The following FGF12 variants were observed in gnomAD, a reference collection of about 807,000 sequenced individuals.
FGF12 encodes the protein fibroblast growth factor 12, also known as fibroblast growth factor 12B.
In FGF12, 14 loss-of-function variants were observed where a neutral mutation model predicts 23.6. That is an observed-to-expected ratio of 0.59 (90% CI 0.39 to 0.93). The LOEUF (loss-of-function observed/expected upper bound fraction) is 0.93, where lower values mean the gene tolerates loss of function less well. Among genes scored for constraint, FGF12 ranks in the 40% least tolerant of loss-of-function variants. FGF12 has a pLI of 0.00. For missense variants in FGF12, 175 were observed against 217.8 expected (o/e 0.80, Z 1.24); for synonymous variants, 62 against 77.3 (o/e 0.80, Z 1.04).
chr3:192,698,550 A>G (rs1187085369), intron 2 of FGF12, among the ~76,000 whole-genome samples: 1 of 151,970 alleles, frequency 6.6e-6, no homozygotes, highest in Non-Finnish European at 1.5e-5. Context: ...TGCGTCAGAC[A>G]TTATCCTGAG....
At chr3:192,232,489 T>C (rs1272583315) in intron 4 of FGF12, among the ~76,000 whole-genome samples, 1 of 151,030 alleles carries the variant, frequency 6.6e-6, no homozygotes, top group African/African-American at 2.4e-5. Flanking sequence ...TGAAGATTAA[T>C]CAATGGTGGG....
intron 5 of FGF12, among the ~76,000 whole-genome samples, chr3:192,147,048 G>GC (rs1210776181): frequency 1.3e-5 from 2 of 152,082 alleles, no homozygotes; most frequent in African/African-American, 4.8e-5. Flanking sequence ...GATGAAAACT[G>GC]CCCCCCTCCT....
At chr3:192,537,316 C>T (rs1725247413) in intron 2 of FGF12, among the ~76,000 whole-genome samples, 1 of 151,798 alleles carries the variant, frequency 6.6e-6, no homozygotes, top group African/African-American at 2.4e-5. Flanking sequence ...GGGTATATAC[C>T]TAGTAATGGG....
At chr3:192,375,267 G>T (rs1049926208) in intron 2 of FGF12, among the ~76,000 whole-genome samples, 39 of 151,724 alleles carry the variant, frequency 2.6e-4, no homozygotes, top group African/African-American at 9.4e-4. Flanking sequence ...TATCATCTTC[G>T]TTTGTGGTTT....
chr3:192,706,669 G>A (rs1718482533), intron 2 of FGF12, among the ~76,000 whole-genome samples: 1 of 152,112 alleles, frequency 6.6e-6, no homozygotes, highest in Non-Finnish European at 1.5e-5. Flanking sequence ...AACCCCAGAT[G>A]CAAGATATTT....
intron 4 of FGF12, among the ~76,000 whole-genome samples, chr3:192,258,844 T>C (rs77127521): frequency 0.026 from 3,895 of 152,282 alleles, 122 homozygotes; most frequent in African/African-American, 0.078. Flanking sequence ...TCTTTGAATA[T>C]GATATGCTGT....
rs977607500 is a variant in FGF12 at position 192,155,502 on chromosome 3, C to T, written c.428-11375G>A. Among the ~76,000 whole-genome samples, 5 of 152,122 alleles carry T rather than the reference C, an allele frequency of 3.3e-5. No individual in the cohort carries two copies. The East Asian group carries it at 5.8e-4, about 18-fold the overall frequency. ...AATTGAAAGGTGAGGTTCATTTGGGCGATCTAAAACATGTTCTTTTGTTTT... is the reference window on the plus strand; with the variant it reads ...AATTGAAAGGTGAGGTTCATTTGGGTGATCTAAAACATGTTCTTTTGTTTT... On this transcript the variant is annotated intron_variant, in intron 5 of 5. Transcript: ENST00000445105.
intron 2 of FGF12, among the ~76,000 whole-genome samples, chr3:192,536,475 C>T (rs1302372476): frequency 1.3e-5 from 2 of 152,030 alleles, no homozygotes; most frequent in South Asian, 4.2e-4. Context: ...ACAAATAACA[C>T]CAGAAAGCCT....
intron 4 of FGF12, among the ~76,000 whole-genome samples, chr3:192,322,493 A>G (rs911731554): frequency 1.5e-5 from 2 of 134,658 alleles, no homozygotes; most frequent in African/African-American, 7.1e-5. Context: ...TTTATATTAA[A>G]CCACACGCAG....
intron 4 of FGF12, among the ~76,000 whole-genome samples, chr3:192,183,536 C>A (rs922616147): frequency 6.6e-6 from 1 of 152,146 alleles, no homozygotes; most frequent in African/African-American, 2.4e-5. Context: ...GACAGAGAGG[C>A]CTGGTTCACT....
rs1717384589 is a variant in FGF12, at chr3:192,201,860, A to C, written c.229-31204T>G. ...GCTAATAACAGCCCCGTGTTTGTGCACATTGATTTTCAGATATGGAATATA... is the reference window on the plus strand; with the variant it reads ...GCTAATAACAGCCCCGTGTTTGTGCCCATTGATTTTCAGATATGGAATATA... On this transcript the variant is annotated intron_variant, in intron 4 of 5. Transcript: ENST00000445105. Among the ~76,000 whole-genome samples the C allele has an allele frequency of 4.6e-5, 7 of 152,210 alleles. No homozygotes were observed. The South Asian group carries it at 1.4e-3, about 32-fold the overall frequency.
intron 4 of FGF12, among the ~76,000 whole-genome samples, chr3:192,270,796 GAA>G (rs1713383858): frequency 1.5e-5 from 1 of 67,688 alleles, no homozygotes; most frequent in Non-Finnish European, 3.0e-5. Flanking sequence ...GGGAAGGAAG[GAA>G]GGAAGGAAGG....
chr3:192,364,674 C>A (rs1237327224), intron 2 of FGF12, among the ~76,000 whole-genome samples: 1 of 152,124 alleles, frequency 6.6e-6, no homozygotes, highest in Non-Finnish European at 1.5e-5. Context: ...GCCCTAGGGG[C>A]TATAGAAACA....
intron 2 of FGF12, among the ~76,000 whole-genome samples, chr3:192,566,290 T>C (rs992620226): frequency 2.4e-4 from 37 of 152,224 alleles, no homozygotes; most frequent in African/African-American, 8.4e-4. Flanking sequence ...CACTGCTCTG[T>C]ACTCTTTCTA....
intron 4 of FGF12, among the ~76,000 whole-genome samples, chr3:192,183,191 T>G (rs1716275644): frequency 6.9e-6 from 1 of 145,968 alleles, no homozygotes; most frequent in African/African-American, 2.6e-5. Flanking sequence ...CATGTAAGAT[T>G]TTTTTTTTTT....
intron 2 of FGF12, among the ~76,000 whole-genome samples, chr3:192,521,970 G>A (rs527615383): frequency 3.5e-4 from 54 of 152,222 alleles, no homozygotes; most frequent in African/African-American, 1.1e-3. Flanking sequence ...AGGCCGAGGC[G>A]GGCGGATCAC....
chr3:192,702,817 A>G (rs1220272821), intron 2 of FGF12, among the ~76,000 whole-genome samples: 10 of 152,130 alleles, frequency 6.6e-5, no homozygotes, highest in Non-Finnish European at 1.5e-4. Flanking sequence ...ATTTAAATTT[A>G]AAAAAAACTA....
intron 2 of FGF12, among the ~76,000 whole-genome samples, chr3:192,650,998 A>T (rs1716195751): frequency 6.6e-6 from 1 of 152,246 alleles, no homozygotes; most frequent in Non-Finnish European, 1.5e-5. Flanking sequence ...TCAAGTTGCT[A>T]AGAAGATATT....
chr3:192,446,014 A>T (rs1179895651), intron 2 of FGF12, among the ~76,000 whole-genome samples: 1 of 152,222 alleles, frequency 6.6e-6, no homozygotes, highest in East Asian at 1.9e-4. Flanking sequence ...TTGTGTCATT[A>T]AACAAATTGC....
Sources: gnomAD v4.1 joint callset for allele counts (sites outside exome capture counted in the v4.1 genomes callset) on GRCh38, gnomAD v4.1.1 for gene constraint, MANE v1.5 for transcripts, NCBI Gene and HGNC (gene_info 2026-07-23, HGNC 2026-07-21) for gene names.